GOPC: variants seen among roughly 807,000 people sequenced by gnomAD.
GOPC encodes the protein Golgi-associated PDZ and coiled-coil motif-containing protein.
In GOPC, 32 loss-of-function variants were observed where a neutral mutation model predicts 51.2. The ratio of observed to expected loss-of-function variants is 0.63; its 90% CI spans 0.47 to 0.84. The LOEUF is 0.84. Ranked by LOEUF, GOPC falls within the 40% of genes least tolerant of loss-of-function variation. The probability of loss-of-function intolerance (pLI) is 0.00; values close to 1 mark genes in which losing one functional copy is unlikely to be tolerated. For missense variants in GOPC, 441 were observed against 555.5 expected, an observed-to-expected ratio of 0.79 and a Z score of 2.07; for synonymous variants, 190 against 205.1, an observed-to-expected ratio of 0.93 and a Z score of 0.63.
intron 4 of GOPC, among the ~76,000 whole-genome samples, chr6:117,574,754 T>G (rs2114611668): frequency 6.6e-6 from 1 of 152,332 alleles, no homozygotes; most frequent in South Asian, 2.1e-4. Context: ...AAAATAATTC[T>G]GAGGAAAAAG....
rs767301018 is a variant in GOPC, at chr6:117,563,194, C to T, written c.*60G>A. The T allele has an allele frequency of 6.6e-7, 1 of 1,507,332 alleles. No homozygotes were observed. Among genetic ancestry groups the T allele is most frequent in the Non-Finnish European group, 9.2e-7 (1 of 1,092,364 alleles). The allele number at this position is 1,507,332 out of a possible 1,614,324, so 93.4% of individuals were successfully genotyped here. ...ATTTTGTAGTCTTTGTCACCATCTT[C>T]CCCAGTGCCCCAAATTCAGAATAGT... On this transcript the variant is annotated 3_prime_UTR_variant, in exon 9 of 9. Coordinates refer to ENST00000368498, the MANE Select transcript of GOPC (RefSeq NM_020399.4).
chr6:117,602,507 G>C lies in GOPC; in HGVS notation c.-219C>G. ...CGGCGACACACGGAAGACTCAGTCA[G>C]TCCCACCTCCCAGCCTGCCCCCGCT... is the stretch of plus-strand genomic sequence containing the variant. On this transcript the variant is annotated 5_prime_UTR_variant, in exon 1 of 9. Coordinates refer to ENST00000368498, the MANE Select transcript of GOPC (RefSeq NM_020399.4). 1 of 579,744 alleles carries C rather than the reference G, an allele frequency of 1.7e-6. No individual in the cohort carries two copies. 35.9% of individuals were successfully genotyped at this position (579,744 alleles called of 1,614,324 possible). A position where few individuals can be genotyped will look rare whatever the true frequency, so the allele number is the denominator to read the frequency against.
rs758656022 is a variant in GOPC at position 117,563,277 on chromosome 6, G to A, written c.1366C>T (p.Leu456=). 1.2e-6 allele frequency: 2 copies of A among 1,612,988 alleles called. No homozygotes were observed. Among genetic ancestry groups the A allele is most frequent in the South Asian group, 2.2e-5 (2 of 91,068 alleles). The change falls in exon 9 of 9, where the codon CTG becomes TTG. Residue 456 remains leucine (L), a synonymous_variant. Transcript: ENST00000368498. ...ATTTAATAAGATTTTTTATGATACA[G>A]AGTGTGCAGATCATCTAATTTTGAA... ...GASKLDDLHT[L]YHKKSY
rs541077004 is a variant in GOPC at position 117,562,471 on chromosome 6, G to A, written c.*783C>T. ...TGGACCCCAGAAAACAAGCATTTGA[G>A]GCTCAACATGAATGGGTAAATGCTC... On this transcript the variant is annotated 3_prime_UTR_variant, in exon 9 of 9. Coordinates refer to ENST00000368498, the MANE Select transcript of GOPC (RefSeq NM_020399.4). 1.7e-4 allele frequency: 34 copies of A among 203,350 alleles called. No individual in the cohort carries two copies. Among genetic ancestry groups the A allele is most frequent in the African/African-American group, 6.2e-4 (27 of 43,760 alleles). 12.6% of individuals were successfully genotyped at this position (203,350 alleles called of 1,614,324 possible).
At chr6:117,598,838 C>T (rs1186316369) in intron 1 of GOPC, among the ~76,000 whole-genome samples, 2 of 152,144 alleles carry the variant, frequency 1.3e-5, no homozygotes, top group Admixed American at 1.3e-4. Flanking sequence ...TATTCTATAG[C>T]ACCATAAGAT....
intron 1 of GOPC, among the ~76,000 whole-genome samples, chr6:117,591,239 C>T (rs369849106): frequency 6.6e-6 from 1 of 152,134 alleles, no homozygotes; most frequent in South Asian, 2.1e-4. Flanking sequence ...AGGAAGTACT[C>T]AGCAATGTGG....
chr6:117,578,970 T>C lies in GOPC; in HGVS notation c.380A>G (p.His127Arg). The C allele has an allele frequency of 6.2e-7, 1 of 1,612,388 alleles. No homozygotes were observed. Among genetic ancestry groups the C allele is most frequent in the Non-Finnish European group, 8.5e-7 (1 of 1,179,242 alleles). ...KEVHDQLLQLHSIQLQLHAKT... is the reference protein window; with the variant it reads ...KEVHDQLLQLRSIQLQLHAKT... ...AGCATGAAGCTGCAGCTGAATAGAGTGCAGCTGTAAAAGCTGATCATGTAC... is the reference window on the plus strand; with the variant it reads ...AGCATGAAGCTGCAGCTGAATAGAGCGCAGCTGTAAAAGCTGATCATGTAC... Residue 127 changes from histidine (H) to arginine (R), a missense_variant, in exon 2 of 9, where the codon CAC becomes CGC. His to Arg is a conservative substitution (Grantham distance 29). Coordinates refer to ENST00000368498, the MANE Select transcript of GOPC (RefSeq NM_020399.4).
intron 1 of GOPC, among the ~76,000 whole-genome samples, chr6:117,601,470 C>G (rs964070717): frequency 6.6e-6 from 1 of 152,062 alleles, no homozygotes; most frequent in Non-Finnish European, 1.5e-5. Context: ...GGATGTAAAC[C>G]GAGACAGTGA....
intron 1 of GOPC, among the ~76,000 whole-genome samples, chr6:117,590,978 G>A (rs959659734): frequency 1.3e-5 from 2 of 152,026 alleles, no homozygotes; most frequent in Non-Finnish European, 2.9e-5. Flanking sequence ...TCAGCCTCCC[G>A]AGTAGCTGGG....
intron 1 of GOPC, among the ~76,000 whole-genome samples, chr6:117,581,539 A>G (rs893222025): frequency 2.0e-5 from 3 of 151,438 alleles, no homozygotes; most frequent in Non-Finnish European, 4.4e-5. Flanking sequence ...CTCCACCTTC[A>G]TCCACAAAGG....
chr6:117,583,841 A>G (rs906890346), intron 1 of GOPC, among the ~76,000 whole-genome samples: 3 of 152,194 alleles, frequency 2.0e-5, no homozygotes, highest in African/African-American at 7.2e-5. Context: ...AACATTTAAC[A>G]AAGTGTTATC....
At chr6:117,582,089 T>C (rs1466759691) in intron 1 of GOPC, among the ~76,000 whole-genome samples, 1 of 152,126 alleles carries the variant, frequency 6.6e-6, no homozygotes, top group Non-Finnish European at 1.5e-5. Context: ...TAAAATTTCC[T>C]CATTGCTAAT....
intron 5 of GOPC, among the ~76,000 whole-genome samples, chr6:117,572,957 G>A (rs748405661): frequency 7.9e-5 from 12 of 152,160 alleles, no homozygotes; most frequent in Non-Finnish European, 1.5e-4. Flanking sequence ...GATTTATCCA[G>A]ATAGAAGCTT....
chr6:117,571,903 G>C (rs1366205877), intron 5 of GOPC, among the ~76,000 whole-genome samples: 2 of 151,940 alleles, frequency 1.3e-5, no homozygotes, highest in Admixed American at 6.6e-5. Context: ...TCCATCCCAG[G>C]CTCCTTCCTT....
chr6:117,570,450 C>T (rs1428746041), intron 6 of GOPC, among the ~76,000 whole-genome samples: 2 of 151,740 alleles, frequency 1.3e-5, no homozygotes, highest in Non-Finnish European at 2.9e-5. Flanking sequence ...GAATATATAA[C>T]ATTTGGACCC....
intron 1 of GOPC, among the ~76,000 whole-genome samples, chr6:117,601,248 T>C (rs1257790567): frequency 6.6e-6 from 1 of 152,224 alleles, no homozygotes; most frequent in East Asian, 1.9e-4. Context: ...TATGATATTT[T>C]TGTTTTTTTG....
At chr6:117,567,133 C>G in intron 7 of GOPC, 99 bp from the exon 8 acceptor site, 2 of 723,024 alleles carry the variant, frequency 2.8e-6, no homozygotes, top group Non-Finnish European at 4.2e-6. Context: ...GTAGAGAGAT[C>G]TAAGAGATAG....
At chr6:117,591,652 T>C (rs1780118683) in intron 1 of GOPC, among the ~76,000 whole-genome samples, 1 of 152,062 alleles carries the variant, frequency 6.6e-6, no homozygotes, top group African/African-American at 2.4e-5. Flanking sequence ...TATGTGAAAG[T>C]ACAGGTGCCA....
chr6:117,593,365 C>A (rs557323966), intron 1 of GOPC, among the ~76,000 whole-genome samples: 1 of 152,312 alleles, frequency 6.6e-6, no homozygotes, highest in South Asian at 2.1e-4. Context: ...CTACCCCACT[C>A]TTTTTCTATA....
Sources: gnomAD v4.1 joint callset for allele counts (sites outside exome capture counted in the v4.1 genomes callset) on GRCh38, gnomAD v4.1.1 for gene constraint, MANE v1.5 for transcripts, NCBI Gene and HGNC (gene_info 2026-07-23, HGNC 2026-07-21) for gene names.